Variants in NALF1 observed in about 807,000 individuals in gnomAD.
NALF1 encodes family with sequence similarity 155 member A.
NALF1 carries 3 observed loss-of-function variants against 48.4 expected under a neutral mutation model. That is an observed-to-expected ratio of 0.06 (90% CI 0.03 to 0.16). The LOEUF (loss-of-function observed/expected upper bound fraction) is 0.16. NALF1 is among the 10% of genes least tolerant of loss of function. NALF1 has a pLI of 1.00. For missense variants in NALF1, 526 were observed against 571.5 expected (o/e 0.92, Z 0.81); for synonymous variants, 262 against 245.7 (o/e 1.07, Z -0.62).
chr13:107,589,555 A>AT (rs1403426733), intron 1 of NALF1, among the ~76,000 whole-genome samples: 1 of 152,000 alleles, frequency 6.6e-6, no homozygotes, highest in African/African-American at 2.4e-5. Context: ...TATCCAGGGT[A>AT]TTTTTTTCCC....
chr13:107,295,068 G>C (rs908057321), intron 1 of NALF1, among the ~76,000 whole-genome samples: 8 of 152,076 alleles, frequency 5.3e-5, no homozygotes, highest in African/African-American at 1.7e-4. Flanking sequence ...TGATGCTGAA[G>C]TTTGGGGTAT....
intron 1 of NALF1, among the ~76,000 whole-genome samples, chr13:107,448,674 G>A (rs1333014776): frequency 1.3e-5 from 2 of 152,156 alleles, no homozygotes; most frequent in African/African-American, 4.8e-5. Flanking sequence ...CCAAGGAGCT[G>A]TTTTAGGTGA....
chr13:107,732,767 T>A (rs7331725), intron 1 of NALF1, among the ~76,000 whole-genome samples: 17,374 of 152,136 alleles, frequency 0.11, 1,466 homozygotes, highest in East Asian at 0.38. Context: ...ATAGATAAGC[T>A]TGCAGAGTAA....
chr13:107,430,093 C>A (rs1594058458), intron 1 of NALF1, among the ~76,000 whole-genome samples: 1 of 152,244 alleles, frequency 6.6e-6, no homozygotes, highest in East Asian at 1.9e-4. Flanking sequence ...ATATTCCCAG[C>A]AGGGAAAATC....
chr13:107,796,018 C>G (rs765071848), intron 1 of NALF1, among the ~76,000 whole-genome samples: 9 of 152,212 alleles, frequency 5.9e-5, no homozygotes, highest in Middle Eastern at 3.4e-3. Context: ...TGGTGAGTGT[C>G]TTATTGTAGT....
chr13:107,183,057 T>G (rs1163088145), intron 2 of NALF1, among the ~76,000 whole-genome samples: 1 of 152,136 alleles, frequency 6.6e-6, no homozygotes, highest in Non-Finnish European at 1.5e-5. Flanking sequence ...TGGAGAGGTG[T>G]GATTCATCCC....
intron 1 of NALF1, among the ~76,000 whole-genome samples, chr13:107,522,222 A>T (rs1215574754): frequency 6.6e-6 from 1 of 152,112 alleles, no homozygotes; most frequent in Non-Finnish European, 1.5e-5. Context: ...TCTTAATGCT[A>T]TTGGATATTT....
At position 107,437,093 on chromosome 13, in the gene NALF1, C is replaced by T. The variant is rs578062555; in HGVS notation, c.916-226338G>A. ...CAAATAGGCCTAAGATTCAAGCAGA[C>T]ACCTCACTAAAGAAGAGATGTACAA... On this transcript the variant is annotated intron_variant, in intron 1 of 2. Transcript: ENST00000375915. 9.2e-5 allele frequency among the ~76,000 whole-genome samples: 14 copies of T among 152,158 alleles called. No individual in the cohort carries two copies. In the East Asian group the frequency reaches 1.9e-3, roughly 21 times the overall value.
intron 1 of NALF1, among the ~76,000 whole-genome samples, chr13:107,607,956 T>C (rs535330783): frequency 6.6e-6 from 1 of 152,330 alleles, no homozygotes; most frequent in South Asian, 2.1e-4. Flanking sequence ...GACTTCACTG[T>C]CTACACTGAA....
chr13:107,284,742 C>T (rs528443695), intron 1 of NALF1, among the ~76,000 whole-genome samples: 2 of 152,224 alleles, frequency 1.3e-5, no homozygotes, highest in African/African-American at 4.8e-5. Flanking sequence ...TCTGCTCCAA[C>T]GTGCACACAG....
chr13:107,290,095 C>T (rs1187432966), intron 1 of NALF1, among the ~76,000 whole-genome samples: 2 of 150,186 alleles, frequency 1.3e-5, no homozygotes, highest in African/African-American at 2.5e-5. Context: ...GGTTGATTCC[C>T]TTTGTTAAGC....
At chr13:107,842,995 G>T (rs538597357) in intron 1 of NALF1, among the ~76,000 whole-genome samples, 7 of 152,084 alleles carry the variant, frequency 4.6e-5, no homozygotes, top group African/African-American at 1.4e-4. Flanking sequence ...AAGCACTCAG[G>T]CTCCATGGGT....
intron 1 of NALF1, among the ~76,000 whole-genome samples, chr13:107,501,108 T>A (rs1014600464): frequency 2.0e-5 from 3 of 151,374 alleles, no homozygotes; most frequent in Non-Finnish European, 2.9e-5. Flanking sequence ...ATAATAATAA[T>A]AAAATTTAAA....
chr13:107,835,822 T>A (rs1318543265), intron 1 of NALF1, among the ~76,000 whole-genome samples: 1 of 152,172 alleles, frequency 6.6e-6, no homozygotes, highest in Non-Finnish European at 1.5e-5. Context: ...AGAAACCCTC[T>A]GGAACATGCA....
At chr13:107,745,063 A>C (rs1876747659) in intron 1 of NALF1, among the ~76,000 whole-genome samples, 1 of 152,228 alleles carries the variant, frequency 6.6e-6, no homozygotes, top group African/African-American at 2.4e-5. Context: ...GGTCCTTAGC[A>C]AACATGATCG....
chr13:107,727,923 G>A (rs1352040924), intron 1 of NALF1, among the ~76,000 whole-genome samples: 2 of 152,136 alleles, frequency 1.3e-5, no homozygotes, highest in Admixed American at 6.6e-5. Flanking sequence ...GCAAACATAT[G>A]AAAAGACAAA....
At chr13:107,638,037 G>A (rs575550773) in intron 1 of NALF1, among the ~76,000 whole-genome samples, 5 of 151,748 alleles carry the variant, frequency 3.3e-5, no homozygotes, top group African/African-American at 4.8e-5. Context: ...CTTAATGACC[G>A]TAAGTCATCT....
intron 1 of NALF1, among the ~76,000 whole-genome samples, chr13:107,258,173 G>A (rs1880858710): frequency 6.6e-6 from 1 of 152,154 alleles, no homozygotes. Flanking sequence ...GACCTTATTG[G>A]TCATCTCCAT....
intron 1 of NALF1, among the ~76,000 whole-genome samples, chr13:107,655,465 C>A (rs539655643): frequency 6.6e-6 from 1 of 152,068 alleles, no homozygotes; most frequent in Admixed American, 6.6e-5. Flanking sequence ...ACGTAAAAGA[C>A]CTCTACAAGG....
Sources: allele counts gnomAD v4.1 joint callset (sites outside exome capture counted in the v4.1 genomes callset), GRCh38; gene constraint gnomAD v4.1.1; transcripts MANE v1.5; gene names NCBI Gene and HGNC (gene_info 2026-07-23, HGNC 2026-07-21).